SNX9: variants seen among roughly 807,000 people sequenced by gnomAD.
The protein encoded by SNX9 is sorting nexin 9.
Under a neutral mutation model 89.4 loss-of-function variants are expected in SNX9, and 44 were observed. The ratio of observed to expected loss-of-function variants is 0.49; its 90% confidence interval spans 0.39 to 0.63. SNX9 has a LOEUF of 0.63. Ranked by LOEUF, SNX9 falls within the 30% of genes least tolerant of loss-of-function variation. The probability of loss-of-function intolerance (pLI) is 0.00; values close to 1 mark genes in which losing one functional copy is unlikely to be tolerated. For missense variants in SNX9, 578 were observed against 736.1 expected (o/e 0.79, Z 2.49); for synonymous variants, 236 against 247.8 (o/e 0.95, Z 0.45).
At chr6:157,825,472 G>C (rs1175902989) in intron 1 of SNX9, among the ~76,000 whole-genome samples, 1 of 152,102 alleles carries the variant, frequency 6.6e-6, no homozygotes, top group East Asian at 1.9e-4. Context: ...AAATCGAAAA[G>C]TGGTTCTTGT....
At chr6:157,894,043 G>A (rs567399315) in intron 4 of SNX9, among the ~76,000 whole-genome samples, 48 of 151,510 alleles carry the variant, frequency 3.2e-4, no homozygotes, top group African/African-American at 9.9e-4. Flanking sequence ...TAGGGTGACC[G>A]ACTGAGGACA....
chr6:157,823,553 G>A lies in SNX9; in HGVS notation c.12+107G>A. On this transcript the variant is annotated intron_variant, in intron 1 of 17. Transcript: ENST00000392185. This position sits in a 1 kb window ranked among gnomAD's most constrained non-coding sequence, Gnocchi z 4.6. ...GGGTCGGGGCCAGGGGTGGTCGAGGGGCCACTCCGCTTCCTCGGTGGAGTC... is the reference window on the plus strand; with the variant it reads ...GGGTCGGGGCCAGGGGTGGTCGAGGAGCCACTCCGCTTCCTCGGTGGAGTC... 1 of 975,514 alleles carries A rather than the reference G, an allele frequency of 1.0e-6. No individual in the cohort carries two copies. The highest frequency in any genetic ancestry group is 1.3e-6 in the Non-Finnish European group (1 of 777,864). The allele number at this position is 975,514 out of a possible 1,614,324, so 60.4% of individuals were successfully genotyped here.
At chr6:157,879,700 A>G (rs10484998) in intron 4 of SNX9, among the ~76,000 whole-genome samples, 6,886 of 152,310 alleles carry the variant, frequency 0.045, 492 homozygotes, top group African/African-American at 0.16. Context: ...ATGAATCTCA[A>G]TTGTTAAAAA....
chr6:157,932,753 A>C (rs755631653), intron 13 of SNX9, among the ~76,000 whole-genome samples: 3 of 151,302 alleles, frequency 2.0e-5, no homozygotes, highest in Non-Finnish European at 4.4e-5. Flanking sequence ...GGTAGTTGCA[A>C]CTATTTGGGA....
chr6:157,834,153 T>TTTG (rs1781530421), intron 1 of SNX9, among the ~76,000 whole-genome samples: 1 of 63,056 alleles, frequency 1.6e-5, no homozygotes, highest in African/African-American at 8.0e-5. Flanking sequence ...CACTGTGGTT[T>TTTG]TTTTTTTTTT....
intron 9 of SNX9, among the ~76,000 whole-genome samples, chr6:157,916,058 G>A (rs559080704): frequency 1.0e-4 from 15 of 149,960 alleles, no homozygotes; most frequent in African/African-American, 2.2e-4. Flanking sequence ...TGTTTGAGAC[G>A]GAGTCTCGCT....
At chr6:157,936,688 C>G (rs2115217086) in intron 14 of SNX9, among the ~76,000 whole-genome samples, 1 of 152,242 alleles carries the variant, frequency 6.6e-6, no homozygotes, top group African/African-American at 2.4e-5. Context: ...AGTGCCTACC[C>G]TGTATGATTC....
chr6:157,940,416 TTTTGTTTTG>T (rs1393346738), intron 16 of SNX9, among the ~76,000 whole-genome samples: 5 of 152,076 alleles, frequency 3.3e-5, no homozygotes, highest in East Asian at 3.9e-4. Context: ...CATTAGCTTG[TTTTGTTTTG>T]TTTGTTTTGT....
At chr6:157,829,381 G>T (rs987336237) in intron 1 of SNX9, 5 of 152,076 alleles carry the variant, frequency 3.3e-5, no homozygotes, top group African/African-American at 1.2e-4. Flanking sequence ...AATCAATACT[G>T]TACCTGGAAA....
chr6:157,826,914 A>AAATATATATTATAGTTTATATAATATAT (rs1781368084), intron 1 of SNX9, among the ~76,000 whole-genome samples: 7 of 69,980 alleles, frequency 1.0e-4, no homozygotes, highest in Admixed American at 1.8e-4. Context: ...TATAATATAT[A>AAATATATATTATAGTTTATATAATATAT]AAATATATTA....
intron 4 of SNX9, among the ~76,000 whole-genome samples, chr6:157,896,135 A>G (rs539882741): frequency 6.6e-6 from 1 of 152,352 alleles, no homozygotes; most frequent in Non-Finnish European, 1.5e-5. Flanking sequence ...ATGAATCTCA[A>G]GTAAAGGCCA....
chr6:157,853,252 T>G (rs1043818184), intron 1 of SNX9, among the ~76,000 whole-genome samples: 1 of 152,188 alleles, frequency 6.6e-6, no homozygotes, highest in Admixed American at 6.6e-5. Flanking sequence ...TTTGTTATTT[T>G]TCAGCATTTT....
intron 5 of SNX9, among the ~76,000 whole-genome samples, chr6:157,900,854 G>A (rs887079320): frequency 1.3e-5 from 2 of 152,176 alleles, no homozygotes; most frequent in South Asian, 4.1e-4. Flanking sequence ...CAAACAATCC[G>A]TAGAAACAGG....
chr6:157,858,063 G>A (rs910105750), intron 1 of SNX9, among the ~76,000 whole-genome samples: 5 of 151,868 alleles, frequency 3.3e-5, no homozygotes, highest in Admixed American at 6.6e-5. Context: ...ATATGGTCTC[G>A]GATCTGCAGA....
At position 157,873,085 on chromosome 6, in the gene SNX9, T is replaced by TC; in HGVS notation, c.100-17_100-16insC. On this transcript the variant is annotated splice_polypyrimidine_tract_variant and intron_variant, in intron 2 of 17. Coordinates refer to ENST00000392185, the MANE Select transcript of SNX9 (RefSeq NM_016224.5). ...TGTAATCTTTTTCTTTTTTTTTTTTTTTTGGTGACTTATTAGGATGTAGGT... is the reference window on the plus strand; with the variant it reads ...TGTAATCTTTTTCTTTTTTTTTTTTTCTTTGGTGACTTATTAGGATGTAGGT... The TC allele has an allele frequency of 6.5e-7, 1 of 1,539,968 alleles. No homozygotes were observed. Among genetic ancestry groups the TC allele is most frequent in the South Asian group, 1.3e-5 (1 of 77,806 alleles).
In SNX9 at chr6:157,928,685, G is replaced by A; in HGVS notation, c.1271G>A (p.Trp424Ter). 6.2e-7 allele frequency: 1 copy of A among 1,605,660 alleles called. No individual in the cohort carries two copies. Among genetic ancestry groups the A allele is most frequent in the Non-Finnish European group, 8.5e-7 (1 of 1,176,364 alleles). ...CTGCTGACGGTGGGGCAGGAGCACTGGAAGCGCTGCACGGGCCGTAAGTCC... is the reference window on the plus strand; with the variant it reads ...CTGCTGACGGTGGGGCAGGAGCACTAGAAGCGCTGCACGGGCCGTAAGTCC... ...KELLTVGQEHWKRCTGPLPKE... is the reference protein window; with the variant it reads ...KELLTVGQEH Residue 424 changes from tryptophan (W) to a stop codon, truncating the protein, a stop_gained, in exon 12 of 18, where the codon TGG becomes TAG. Transcript: ENST00000392185. LOFTEE classifies it high-confidence loss of function.
intron 1 of SNX9, among the ~76,000 whole-genome samples, chr6:157,829,774 T>C (rs974232797): frequency 3.3e-5 from 5 of 152,218 alleles, no homozygotes; most frequent in African/African-American, 1.2e-4. Context: ...TTGGTAAATA[T>C]TTCCCAGATA....
At chr6:157,924,759 C>T (rs538360684) in intron 10 of SNX9, 1 of 152,332 alleles carries the variant, frequency 6.6e-6, no homozygotes, top group South Asian at 2.1e-4. Flanking sequence ...TTCCGTATCT[C>T]TTTTACTAAA....
intron 5 of SNX9, among the ~76,000 whole-genome samples, chr6:157,900,520 G>A (rs545158158): frequency 3.9e-5 from 6 of 152,062 alleles, no homozygotes; most frequent in African/African-American, 7.2e-5. Context: ...AGCTGGGTCC[G>A]GGGGGGTCAC....
Sources: allele counts gnomAD v4.1 joint callset (sites outside exome capture counted in the v4.1 genomes callset), GRCh38; gene constraint gnomAD v4.1.1; non-coding constraint Gnocchi (gnomAD v3.1); transcripts MANE v1.5; gene names NCBI Gene and HGNC (gene_info 2026-07-23, HGNC 2026-07-21).